The following KDM5A variants were observed in gnomAD, a reference collection of about 807,000 sequenced individuals.
KDM5A encodes the protein lysine demethylase 5A.
Under a neutral mutation model 193.5 loss-of-function variants are expected in KDM5A, and 42 were observed. The observed-to-expected ratio is 0.22, with a 90% CI of 0.17 to 0.28. KDM5A has a LOEUF of 0.28. Among genes scored for constraint, KDM5A ranks in the 10% least tolerant of loss-of-function variants. KDM5A has a pLI of 1.00. For synonymous variants in KDM5A, 796 were observed against 718.1 expected (o/e 1.11, Z -1.73); for missense variants, 1,692 against 2,055.1 (o/e 0.82, Z 3.42).
chr12:368,236 T>A (rs1038135206), intron 3 of KDM5A, among the ~76,000 whole-genome samples: 2 of 152,136 alleles, frequency 1.3e-5, no homozygotes, highest in African/African-American at 2.4e-5. Flanking sequence ...GAAAGCATAA[T>A]AGAAGTTGCC....
intron 8 of KDM5A, among the ~76,000 whole-genome samples, chr12:353,159 C>T (rs1944184476): frequency 6.6e-6 from 1 of 151,934 alleles, no homozygotes; most frequent in Non-Finnish European, 1.5e-5. Flanking sequence ...GCCTGGCCAA[C>T]ATGGTAAACC....
At chr12:358,996 TA>T (rs35658441) in intron 5 of KDM5A, among the ~76,000 whole-genome samples, 1,555 of 149,410 alleles carry the variant, frequency 0.01, 16 homozygotes, top group African/African-American at 0.036. Flanking sequence ...TAATAAAAAA[TA>T]AAAAAAAACA....
At chr12:286,181 C>T (rs371990415) in intron 27 of KDM5A, 2 of 508,412 alleles carry the variant, frequency 3.9e-6, no homozygotes, top group South Asian at 1.5e-5. Flanking sequence ...TTTTATTCTT[C>T]TCTTCTTCCG....
chr12:377,057 T>C (rs900100053), intron 3 of KDM5A, among the ~76,000 whole-genome samples: 2 of 150,234 alleles, frequency 1.3e-5, no homozygotes, highest in African/African-American at 4.9e-5. Flanking sequence ...TCTTAAGAAG[T>C]AGCAGCAGTA....
chr12:306,030 G>A (rs1344511858), intron 24 of KDM5A, among the ~76,000 whole-genome samples: 1 of 145,946 alleles, frequency 6.9e-6, no homozygotes, highest in Non-Finnish European at 1.5e-5. Flanking sequence ...GAGGGCAGTG[G>A]TGCAATCATG....
intron 10 of KDM5A, among the ~76,000 whole-genome samples, chr12:343,183 T>TCTGAGATCAATCTGCTGAGGCAGCAGC (rs1372534486): frequency 6.6e-6 from 1 of 152,112 alleles, no homozygotes; most frequent in Non-Finnish European, 1.5e-5. Flanking sequence ...AGCGCAGCAG[T>TCTGAGATCAATCTGCTGAGGCAGCAGC]CTGAGATCAA....
chr12:362,993 C>T lies in KDM5A; in HGVS notation c.642G>A (p.Leu214=), dbSNP rs1325178199. 1.2e-6 allele frequency: 2 copies of T among 1,614,158 alleles called. No homozygotes were observed. Among genetic ancestry groups the T allele is most frequent in the Non-Finnish European group, 1.7e-6 (2 of 1,180,032 alleles). ...SPEPGTRMNI[L]PKRTRRVKTQ... ...TCTTCACACGTCTTGTTCTCTTCGGCAGAATGTTCATCCTTGTGCCTGGCT... is the reference window on the plus strand; with the variant it reads ...TCTTCACACGTCTTGTTCTCTTCGGTAGAATGTTCATCCTTGTGCCTGGCT... Residue 214 remains leucine (L), a synonymous_variant, in exon 5 of 28, where the codon CTG becomes CTA. Transcript: ENST00000399788.
rs377329008 is a variant in KDM5A at position 318,370 on chromosome 12, A to G, written c.2633T>C (p.Ile878Thr). ...TPDSSKLQML[I>T]DMGSSLYVEL... ...CACATAGAGACTAGAGCCCATATCT[A>G]TCAACATCTGGAGTTTGGAAGAATC... Residue 878 changes from isoleucine (I) to threonine (T), a missense_variant, in exon 19 of 28, where the codon ATA becomes ACA. By Grantham distance (89) the Ile-to-Thr change is moderately conservative. Around this residue, in one of 11 missense-constraint regions of KDM5A, gnomAD observed 965 missense variants for 1,061.0 expected, o/e 0.91. Coordinates refer to ENST00000399788, the MANE Select transcript of KDM5A (RefSeq NM_001042603.3). 17 of 1,614,156 alleles carry G rather than the reference A, an allele frequency of 1.1e-5. No individual in the cohort carries two copies. The highest frequency in any genetic ancestry group is 1.4e-5 in the Non-Finnish European group (17 of 1,179,994).
At chr12:319,349 C>A (rs1943687889) in intron 18 of KDM5A, among the ~76,000 whole-genome samples, 1 of 152,010 alleles carries the variant, frequency 6.6e-6, no homozygotes, top group Admixed American at 6.5e-5. Context: ...ACGGAGAGGA[C>A]AATAAACGGT....
At chr12:299,465 A>G (rs1943414299) in intron 24 of KDM5A, among the ~76,000 whole-genome samples, 1 of 152,232 alleles carries the variant, frequency 6.6e-6, no homozygotes, top group South Asian at 2.1e-4. Context: ...TAAGTGAAGG[A>G]GAAATAAAAC....
intron 21 of KDM5A, 119 bp downstream of exon 21, chr12:310,766 G>T: frequency 8.8e-7 from 1 of 1,132,874 alleles, no homozygotes; most frequent in Non-Finnish European, 1.3e-6. Context: ...GTCAACATCT[G>T]ATATTACCTA....
At chr12:363,645 G>T (rs1944318549) in intron 4 of KDM5A, among the ~76,000 whole-genome samples, 1 of 151,906 alleles carries the variant, frequency 6.6e-6, no homozygotes, top group Non-Finnish European at 1.5e-5. Context: ...ATGCATCACT[G>T]ACCAAAATAT....
chr12:285,510 A>G lies in KDM5A; in HGVS notation c.5019T>C (p.Pro1673=), dbSNP rs1943210050. Reference sequence around the variant, plus strand: ...GTAGTTTGTAGCTCATTATGAAGGAAGGAGGTGGTGCTGGACCTGGGCTAA... The same window carrying G: ...GTAGTTTGTAGCTCATTATGAAGGAGGGAGGTGGTGCTGGACCTGGGCTAA... ...GPVSPGPAPP[P]SFIMSYKLPM... The change falls in exon 28 of 28, where the codon CCT becomes CCC. Residue 1673 remains proline, a synonymous_variant. Transcript: ENST00000399788. 6.2e-7 allele frequency: 1 copy of G among 1,613,912 alleles called. No individual in the cohort carries two copies. Among genetic ancestry groups the G allele is most frequent in the African/African-American group, 1.3e-5 (1 of 74,914 alleles).
At chr12:305,184 T>C (rs1455599696) in intron 24 of KDM5A, among the ~76,000 whole-genome samples, 3 of 152,146 alleles carry the variant, frequency 2.0e-5, no homozygotes, top group Non-Finnish European at 4.4e-5. Context: ...TGGCCCTCAA[T>C]CAGCCCTTGA....
chr12:364,575 G>A (rs1042063378), intron 4 of KDM5A, among the ~76,000 whole-genome samples: 1 of 151,850 alleles, frequency 6.6e-6, no homozygotes, highest in Non-Finnish European at 1.5e-5. Flanking sequence ...CACGAGGTCA[G>A]GAGATCGAGA....
In KDM5A at chr12:333,133, T is replaced by A. The variant is rs530249795; in HGVS notation, c.1653+354A>T. ...AGCTAAAATAACTTTAAATTAAAAATACTGGCTGGGTGCAGTGGCTCACAC... is the reference window on the plus strand; with the variant it reads ...AGCTAAAATAACTTTAAATTAAAAAAACTGGCTGGGTGCAGTGGCTCACAC... On this transcript the variant is annotated intron_variant, in intron 12 of 27. Coordinates refer to ENST00000399788, the MANE Select transcript of KDM5A (RefSeq NM_001042603.3). 2.1e-4 allele frequency: 60 copies of A among 280,276 alleles called. No individual in the cohort carries two copies. In the South Asian group the frequency reaches 2.2e-3, roughly 11 times the overall value. The allele number at this position is 280,276 out of a possible 1,614,324, so 17.4% of individuals were successfully genotyped here.
At chr12:295,128 C>T (rs916756790) in intron 26 of KDM5A, among the ~76,000 whole-genome samples, 1 of 152,016 alleles carries the variant, frequency 6.6e-6, no homozygotes, top group African/African-American at 2.4e-5. Flanking sequence ...TCAATCTTGC[C>T]CTTCCCCGCT....
At chr12:357,604 C>A (rs1944242605) in intron 5 of KDM5A, among the ~76,000 whole-genome samples, 1 of 151,456 alleles carries the variant, frequency 6.6e-6, no homozygotes, top group South Asian at 2.1e-4. Flanking sequence ...CCGAGGCGGG[C>A]GGATCACAAG....
At chr12:324,269 C>CTATCCCAGGGTTAGGATAG (rs1943757062) in intron 14 of KDM5A, among the ~76,000 whole-genome samples, 1 of 151,928 alleles carries the variant, frequency 6.6e-6, no homozygotes, top group Middle Eastern at 3.2e-3. Context: ...TGCACTCCAA[C>CTATCCCAGGGTTAGGATAG]CCCAGCCGAC....
Sources: gnomAD v4.1 joint callset for allele counts (sites outside exome capture counted in the v4.1 genomes callset) on GRCh38, gnomAD v4.1.1 for gene constraint, gnomAD v4.1.1 regional missense constraint, MANE v1.5 for transcripts, NCBI Gene and HGNC (gene_info 2026-07-23, HGNC 2026-07-21) for gene names.